SLC8B1: variants seen among roughly 807,000 people sequenced by gnomAD.
SLC8B1 encodes mitochondrial sodium/calcium exchanger protein.
SLC8B1 carries 52 observed loss-of-function variants against 63.4 expected under a neutral mutation model. That is an observed-to-expected ratio of 0.82 (90% CI 0.66 to 1.03). The LOEUF is 1.03. Ranked by LOEUF, SLC8B1 falls within the 50% of genes least tolerant of loss-of-function variation. The pLI is 0.00. For synonymous variants in SLC8B1, 336 were observed against 323.9 expected (o/e 1.04, Z -0.40); for missense variants, 657 against 741.7 (o/e 0.89, Z 1.33).
Position 113,307,765 on chromosome 12 carries a change from G to A in SLC8B1, c.1337C>T (p.Ser446Phe), listed in dbSNP as rs764625843. 3 of 1,613,898 alleles carry A rather than the reference G, an allele frequency of 1.9e-6. No individual in the cohort carries two copies. Among genetic ancestry groups the A allele is most frequent in the Non-Finnish European group, 2.5e-6 (3 of 1,180,046 alleles). Reference sequence around the variant, plus strand: ...GCTCAGCCGGAAGACCACACCCAGGGACCGCAAGATGTTCACCACCTCTGT... The same window carrying A: ...GCTCAGCCGGAAGACCACACCCAGGAACCGCAAGATGTTCACCACCTCTGT... ...AATEVVNILR[S>F]LGVVFRLSNT... The change falls in exon 13 of 16, where the codon TCC becomes TTC. Residue 446 changes from serine to phenylalanine, a missense_variant. Physicochemically the swap from Ser to Phe is radical, Grantham distance 155. Transcript: ENST00000680972.
rs1373599894 is a variant in SLC8B1, at chr12:113,314,090, G to A, written c.1135+1245C>T. Among the ~76,000 whole-genome samples the A allele has an allele frequency of 2.0e-5, 3 of 152,202 alleles. No homozygotes were observed. The East Asian group carries it at 5.8e-4, about 29-fold the overall frequency. The stretch of plus-strand genomic sequence containing the variant: ...GAAAGCAAGTCCCTGGATTTGCCCT[G>A]GCCTGAAAGGCAAGGCTTCCCCGCT... On this transcript the variant is annotated intron_variant, in intron 11 of 15. Coordinates refer to ENST00000680972, the MANE Select transcript of SLC8B1 (RefSeq NM_001358345.2).
chr12:113,304,250 G>A (rs1232347306), intron 15 of SLC8B1, 71 bp downstream of exon 15: 1 of 1,450,092 alleles, frequency 6.9e-7, no homozygotes, highest in African/African-American at 1.4e-5. Context: ...CAAAGCCAGG[G>A]CCTTCCTGCC....
intron 11 of SLC8B1, among the ~76,000 whole-genome samples, chr12:113,313,618 G>A (rs982638452): frequency 6.6e-6 from 1 of 152,162 alleles, no homozygotes; most frequent in Non-Finnish European, 1.5e-5. Context: ...GCGGGTGCCT[G>A]TAGTCCCAAC....
chr12:113,316,763 A>G (rs1375966738), intron 9 of SLC8B1, 107 bp from the exon 10 acceptor site: 2 of 1,543,692 alleles, frequency 1.3e-6, no homozygotes, highest in African/African-American at 2.7e-5. Flanking sequence ...GGAGGAGACA[A>G]AGCCCAGTAC....
At chr12:113,317,042 T>C (rs750597427) in intron 8 of SLC8B1, 41 bp from the exon 9 acceptor site, 2 of 1,578,986 alleles carry the variant, frequency 1.3e-6, no homozygotes. Context: ...ACCCAGACCA[T>C]TTTCGAGGGG....
At chr12:113,314,810 G>A (rs1227100112) in intron 11 of SLC8B1, among the ~76,000 whole-genome samples, 1 of 152,216 alleles carries the variant, frequency 6.6e-6, no homozygotes, top group Non-Finnish European at 1.5e-5. Flanking sequence ...GCTGGATTTG[G>A]CCCTGGGGTC....
At chr12:113,331,453 TG>T (rs1256968072) in intron 2 of SLC8B1, among the ~76,000 whole-genome samples, 1 of 147,912 alleles carries the variant, frequency 6.8e-6, no homozygotes, top group East Asian at 2.0e-4. Flanking sequence ...TCAATCTGGG[TG>T]GGTGCAATCT....
At chr12:113,301,886 C>T (rs929854450) in intron 15 of SLC8B1, among the ~76,000 whole-genome samples, 2 of 152,122 alleles carry the variant, frequency 1.3e-5, no homozygotes, top group African/African-American at 2.4e-5. Context: ...GGGAGGATGC[C>T]GCCTTCTGGG....
At chr12:113,302,359 G>C (rs1956600132) in intron 15 of SLC8B1, 7 of 257,456 alleles carry the variant, frequency 2.7e-5, no homozygotes, top group Non-Finnish European at 5.5e-5. Context: ...TCCTCCTCTG[G>C]AGCTTGGAGG....
intron 13 of SLC8B1, 58 bp downstream of exon 13, chr12:113,307,633 A>C: frequency 6.4e-7 from 1 of 1,568,698 alleles, no homozygotes; most frequent in East Asian, 2.3e-5. Context: ...CTGGGGGAGG[A>C]AAGAGCTAAG....
At chr12:113,306,393 A>C in intron 14 of SLC8B1, 102 bp downstream of exon 14, 1 of 969,656 alleles carries the variant, frequency 1.0e-6, no homozygotes. Flanking sequence ...TACCTGCCCC[A>C]GGTGTTACAC....
At chr12:113,321,866 G>A (rs1348946478) in intron 2 of SLC8B1, among the ~76,000 whole-genome samples, 2 of 151,932 alleles carry the variant, frequency 1.3e-5, no homozygotes, top group East Asian at 3.9e-4. Flanking sequence ...ATAGTGCTAA[G>A]AGCTTAAAAT....
intron 2 of SLC8B1, among the ~76,000 whole-genome samples, chr12:113,322,618 T>C (rs977298129): frequency 6.6e-6 from 1 of 152,116 alleles, no homozygotes; most frequent in Admixed American, 6.6e-5. Flanking sequence ...ATGGACATAG[T>C]ATGTTTGGGA....
intron 8 of SLC8B1, among the ~76,000 whole-genome samples, chr12:113,318,294 CATGT>C (rs1956867480): frequency 6.7e-6 from 1 of 149,040 alleles, no homozygotes; most frequent in Non-Finnish European, 1.5e-5. Context: ...TGTGTGTGAG[CATGT>C]ATTTGTGTAT....
chr12:113,319,089 G>C lies in SLC8B1; in HGVS notation c.695-18C>G. The C allele has an allele frequency of 5.1e-6, 8 of 1,571,908 alleles. No homozygotes were observed. Among genetic ancestry groups the C allele is most frequent in the Non-Finnish European group, 7.0e-6 (8 of 1,141,714 alleles). ...CAGGTAACCTGCAGACGGGGTGCACGCCGTCACCAAGTGGTGTCCTGGTGC... is the reference window on the plus strand; with the variant it reads ...CAGGTAACCTGCAGACGGGGTGCACCCCGTCACCAAGTGGTGTCCTGGTGC... On this transcript the variant is annotated intron_variant, in intron 7 of 15. Coordinates refer to ENST00000680972, the MANE Select transcript of SLC8B1 (RefSeq NM_001358345.2).
At chr12:113,309,863 G>C (rs1333544933) in intron 12 of SLC8B1, among the ~76,000 whole-genome samples, 1 of 152,098 alleles carries the variant, frequency 6.6e-6, no homozygotes, top group Admixed American at 6.6e-5. Context: ...GGCTATGTGG[G>C]GGGTGGGGAA....
intron 15 of SLC8B1, among the ~76,000 whole-genome samples, chr12:113,300,622 G>A (rs1956574869): frequency 6.6e-6 from 1 of 152,236 alleles, no homozygotes; most frequent in African/African-American, 2.4e-5. Flanking sequence ...GCCCCACCCT[G>A]AAGTTACCCA....
In SLC8B1 at chr12:113,324,735, ACT is replaced by A. The variant is rs543610838; in HGVS notation, c.157-3389_157-3388del. ...TTTTTTTCCTTTGAGACAGAGTCTC[ACT>A]CTGTCGCCTAGGCTGGAGTGCAGTA... On this transcript the variant is annotated intron_variant, in intron 2 of 15. Coordinates refer to ENST00000680972, the MANE Select transcript of SLC8B1 (RefSeq NM_001358345.2). Among the ~76,000 whole-genome samples, 967 of 142,278 alleles carry A rather than the reference ACT, an allele frequency of 6.8e-3. 9 individuals carry two copies. Among genetic ancestry groups the A allele is most frequent in the Non-Finnish European group, 8.5e-3 (552 of 64,908 alleles). The allele number at this position is 142,278 out of a possible 152,430, so 93.3% of individuals were successfully genotyped here.
intron 11 of SLC8B1, among the ~76,000 whole-genome samples, chr12:113,313,712 G>A (rs1488443256): frequency 2.0e-5 from 3 of 152,044 alleles, no homozygotes; most frequent in Non-Finnish European, 2.9e-5. Flanking sequence ...GCACTCCAGC[G>A]TGGGTGACAG....
Sources: allele counts gnomAD v4.1 joint callset (sites outside exome capture counted in the v4.1 genomes callset), GRCh38; gene constraint gnomAD v4.1.1; transcripts MANE v1.5; gene names NCBI Gene and HGNC (gene_info 2026-07-23, HGNC 2026-07-21).